The following SHTN1 variants were observed in gnomAD, a reference collection of about 807,000 sequenced individuals.
The protein encoded by SHTN1 is shootin 1, also known as shootin-1.
SHTN1 carries 42 observed loss-of-function variants against 83.1 expected under a neutral mutation model. That is an observed-to-expected ratio of 0.51 (90% CI 0.39 to 0.65). SHTN1 has a LOEUF of 0.65. Among genes scored for constraint, SHTN1 ranks in the 30% least tolerant of loss-of-function variants. The pLI is 0.00. For synonymous variants in SHTN1, 224 were observed against 247.7 expected (o/e 0.90, Z 0.90); for missense variants, 622 against 737.8 (o/e 0.84, Z 1.82).
intron 1 of SHTN1, among the ~76,000 whole-genome samples, chr10:117,083,634 C>A (rs917634918): frequency 1.3e-5 from 2 of 150,396 alleles, no homozygotes; most frequent in Non-Finnish European, 3.0e-5. Context: ...AGAGTGTTTT[C>A]CAACTTGGTT....
intron 2 of SHTN1, among the ~76,000 whole-genome samples, chr10:117,013,081 T>C (rs921382529): frequency 6.6e-6 from 1 of 151,976 alleles, no homozygotes; most frequent in African/African-American, 2.4e-5. Context: ...AAAAACTATA[T>C]AAATTTTTTT....
chr10:117,059,383 C>T (rs1465474944), intron 1 of SHTN1, among the ~76,000 whole-genome samples: 3 of 152,172 alleles, frequency 2.0e-5, no homozygotes, highest in Non-Finnish European at 2.9e-5. Flanking sequence ...GAAATGAATA[C>T]TTATGAATAC....
chr10:116,899,599 G>C (rs558066619), intron 16 of SHTN1, among the ~76,000 whole-genome samples: 14 of 151,372 alleles, frequency 9.2e-5, no homozygotes, highest in Non-Finnish European at 1.6e-4. Context: ...ATTTAGAGCC[G>C]ACTGTCATTG....
At chr10:116,922,553 C>T (rs957262962) in intron 11 of SHTN1, among the ~76,000 whole-genome samples, 1 of 152,120 alleles carries the variant, frequency 6.6e-6, no homozygotes, top group Non-Finnish European at 1.5e-5. Context: ...CTGGTAATAA[C>T]TCAAATGTCC....
chr10:116,955,912 T>C lies in SHTN1; in HGVS notation c.268-1702A>G, dbSNP rs371752233. ...AGATCAAGATAAAAGATGAGGCCCATCATTTCCCAACACCTCTTCCTTAAG... is the reference window on the plus strand; with the variant it reads ...AGATCAAGATAAAAGATGAGGCCCACCATTTCCCAACACCTCTTCCTTAAG... On this transcript the variant is annotated intron_variant, in intron 4 of 16. Coordinates refer to ENST00000355371, the MANE Select transcript of SHTN1 (RefSeq NM_001127211.3). 9.3e-4 allele frequency among the ~76,000 whole-genome samples: 142 copies of C among 152,306 alleles called. 1 individual carries two copies. The highest frequency in any genetic ancestry group is 3.2e-3 in the African/African-American group (134 of 41,576).
chr10:116,958,542 A>G (rs1034016804), intron 4 of SHTN1, among the ~76,000 whole-genome samples: 9 of 152,208 alleles, frequency 5.9e-5, no homozygotes, highest in African/African-American at 2.2e-4. Context: ...GTCACCAGGC[A>G]GCTTTTCTAC....
At chr10:117,079,903 ATTTG>A (rs1363902158) in intron 1 of SHTN1, among the ~76,000 whole-genome samples, 1,567 of 144,738 alleles carry the variant, frequency 0.011, 49 homozygotes, top group Admixed American at 0.093. Flanking sequence ...TTTCTTGTAA[ATTTG>A]TTTGAGTTCA....
upstream of SHTN1, chr10:117,005,571 A>G: frequency 1.0e-5 from 10 of 996,054 alleles, no homozygotes; most frequent in Non-Finnish European, 1.2e-5. Flanking sequence ...GTAGAGCGGG[A>G]CGCAATGAGC....
intron 1 of SHTN1, among the ~76,000 whole-genome samples, chr10:117,096,948 G>A (rs1256817982): frequency 2.6e-5 from 4 of 152,160 alleles, no homozygotes; most frequent in African/African-American, 9.7e-5. Context: ...AGATCCTAGA[G>A]AAATCTTACA....
chr10:117,073,446 T>A (rs147831865), intron 1 of SHTN1, among the ~76,000 whole-genome samples: 14 of 152,328 alleles, frequency 9.2e-5, no homozygotes, highest in Non-Finnish European at 1.5e-4. Context: ...AGCAGATAGA[T>A]GATGTGCAAT....
At chr10:117,124,731 A>G (rs1853978587) in intron 1 of SHTN1, among the ~76,000 whole-genome samples, 1 of 152,172 alleles carries the variant, frequency 6.6e-6, no homozygotes, top group African/African-American at 2.4e-5. Context: ...CTGAGATCGC[A>G]CCACTGCACT....
chr10:116,919,717 A>G (rs544331631), intron 12 of SHTN1, among the ~76,000 whole-genome samples: 1 of 152,320 alleles, frequency 6.6e-6, no homozygotes, highest in East Asian at 1.9e-4. Context: ...GTAACCAAAG[A>G]GCAGGGCCAC....
chr10:117,049,355 A>C (rs1175760757), intron 1 of SHTN1, among the ~76,000 whole-genome samples: 1 of 152,164 alleles, frequency 6.6e-6, no homozygotes, highest in Non-Finnish European at 1.5e-5. Flanking sequence ...TTGTTGGAAA[A>C]AAACAAACAA....
At chr10:116,934,080 T>C (rs949120671) in intron 9 of SHTN1, among the ~76,000 whole-genome samples, 1 of 152,228 alleles carries the variant, frequency 6.6e-6, no homozygotes, top group Admixed American at 6.5e-5. Context: ...GCCAGAAGGA[T>C]AGAGTGCAAA....
At chr10:116,905,297 C>T (rs1169792993) in intron 15 of SHTN1, among the ~76,000 whole-genome samples, 1 of 151,456 alleles carries the variant, frequency 6.6e-6, no homozygotes, top group African/African-American at 2.4e-5. Flanking sequence ...CTGATTAAGT[C>T]ACAAAATGAA....
intron 1 of SHTN1, among the ~76,000 whole-genome samples, chr10:117,064,177 T>C (rs1354874458): frequency 6.6e-6 from 1 of 152,194 alleles, no homozygotes; most frequent in Non-Finnish European, 1.5e-5. Context: ...ATGTTTCAAC[T>C]CAAAGCTGGC....
intron 1 of SHTN1, among the ~76,000 whole-genome samples, chr10:117,111,279 A>G (rs760408961): frequency 2.0e-5 from 3 of 152,060 alleles, no homozygotes; most frequent in Non-Finnish European, 2.9e-5. Context: ...ATGAGGCCCA[A>G]GAATGTGCAT....
At chr10:117,073,202 T>G (rs1853108482) in intron 1 of SHTN1, among the ~76,000 whole-genome samples, 1 of 151,764 alleles carries the variant, frequency 6.6e-6, no homozygotes, top group Non-Finnish European at 1.5e-5. Flanking sequence ...TCCAAGAAAT[T>G]TGGGATTATG....
At chr10:117,097,840 ATC>A (rs1217079168) in intron 1 of SHTN1, among the ~76,000 whole-genome samples, 7 of 151,964 alleles carry the variant, frequency 4.6e-5, no homozygotes, top group East Asian at 1.9e-4. Context: ...GCATCACAAA[ATC>A]TCTGTTTTAC....
Sources: gnomAD v4.1 joint callset for allele counts (sites outside exome capture counted in the v4.1 genomes callset) on GRCh38, gnomAD v4.1.1 for gene constraint, MANE v1.5 for transcripts, NCBI Gene and HGNC (gene_info 2026-07-23, HGNC 2026-07-21) for gene names.